Variants in DLEU7 observed in about 807,000 individuals in gnomAD.
DLEU7 encodes leukemia-associated protein 7.
DLEU7 carries 17 observed loss-of-function variants against 16.0 expected under a neutral mutation model. The ratio of observed to expected loss-of-function variants is 1.06; its 90% CI spans 0.73 to 1.59. The LOEUF (loss-of-function observed/expected upper bound fraction) is 1.59. DLEU7 is among the 40% of genes most tolerant of loss of function. DLEU7 has a pLI of 0.00. For synonymous variants in DLEU7, 113 were observed against 139.8 expected (o/e 0.81, Z 1.35); for missense variants, 308 against 314.9 (o/e 0.98, Z 0.17).
At chr13:50,836,585 A>G (rs1045415817) in intron 1 of DLEU7, among the ~76,000 whole-genome samples, 2 of 151,954 alleles carry the variant, frequency 1.3e-5, no homozygotes, top group Non-Finnish European at 2.9e-5. Flanking sequence ...GAGGCAGGAG[A>G]GTGGTGTGAA....
chr13:50,812,299 C>T (rs1036620571), intron 1 of DLEU7, among the ~76,000 whole-genome samples: 2 of 152,046 alleles, frequency 1.3e-5, no homozygotes, highest in East Asian at 1.9e-4. Flanking sequence ...GAGGGGCCCC[C>T]GTGGACACTG....
At chr13:50,842,074 C>T (rs1048664331) in intron 1 of DLEU7, among the ~76,000 whole-genome samples, 1 of 152,012 alleles carries the variant, frequency 6.6e-6, no homozygotes, top group African/African-American at 2.4e-5. Flanking sequence ...CACAGGACAA[C>T]CCCCGACAAC....
At chr13:50,811,014 A>G (rs1383000985) in intron 1 of DLEU7, among the ~76,000 whole-genome samples, 1 of 152,128 alleles carries the variant, frequency 6.6e-6, no homozygotes, top group Admixed American at 6.5e-5. Context: ...GGTTCCATGC[A>G]GGAAAGTGTG....
At chr13:50,836,481 T>C (rs1401836532) in intron 1 of DLEU7, among the ~76,000 whole-genome samples, 1 of 152,056 alleles carries the variant, frequency 6.6e-6, no homozygotes, top group Non-Finnish European at 1.5e-5. Flanking sequence ...GAGACCATCC[T>C]GGCTAATATG....
intron 1 of DLEU7, among the ~76,000 whole-genome samples, chr13:50,784,808 G>T (rs1875754580): frequency 6.6e-6 from 1 of 152,162 alleles, no homozygotes; most frequent in South Asian, 2.1e-4. Context: ...CTTTATAAAA[G>T]TAAGCGATTC....
At chr13:50,792,511 T>C (rs1875986795) in intron 1 of DLEU7, among the ~76,000 whole-genome samples, 1 of 152,142 alleles carries the variant, frequency 6.6e-6, no homozygotes, top group South Asian at 2.1e-4. Flanking sequence ...GGAAGACAGA[T>C]TGGAAAGAGA....
At chr13:50,812,622 G>A (rs1277230877) in intron 1 of DLEU7, among the ~76,000 whole-genome samples, 2 of 152,088 alleles carry the variant, frequency 1.3e-5, no homozygotes, top group East Asian at 3.9e-4. Flanking sequence ...CTGCAGAGGG[G>A]CATAAACTTC....
intron 1 of DLEU7, among the ~76,000 whole-genome samples, chr13:50,725,992 C>T (rs912257314): frequency 1.3e-5 from 2 of 152,152 alleles, no homozygotes; most frequent in African/African-American, 4.8e-5. Flanking sequence ...ATTTTTGCAG[C>T]ATCATTTGTA....
chr13:50,824,794 G>A (rs1404625927), intron 1 of DLEU7, among the ~76,000 whole-genome samples: 1 of 152,168 alleles, frequency 6.6e-6, no homozygotes, highest in Non-Finnish European at 1.5e-5. Flanking sequence ...CCAGGGAAAC[G>A]TGTCTGCAAC....
chr13:50,827,505 C>T (rs2137805816), intron 1 of DLEU7, among the ~76,000 whole-genome samples: 1 of 149,792 alleles, frequency 6.7e-6, no homozygotes, highest in East Asian at 2.0e-4. Flanking sequence ...ATGGCAAAAC[C>T]CTGTCTCTAA....
At chr13:50,750,339 C>T (rs1456716974) in intron 1 of DLEU7, among the ~76,000 whole-genome samples, 2 of 152,080 alleles carry the variant, frequency 1.3e-5, no homozygotes, top group African/African-American at 4.8e-5. Context: ...TGACTATAGC[C>T]TTATAGTATA....
intron 1 of DLEU7, among the ~76,000 whole-genome samples, chr13:50,738,991 A>G (rs965650637): frequency 9.5e-6 from 1 of 104,906 alleles, no homozygotes; most frequent in Non-Finnish European, 1.8e-5. Context: ...ACACACACAC[A>G]CACACACACA....
intron 1 of DLEU7, 95 bp from the exon 2 acceptor site, chr13:50,823,615 G>A: frequency 7.1e-7 from 1 of 1,404,814 alleles, no homozygotes; most frequent in Non-Finnish European, 9.5e-7. Context: ...TTTCTCTTCT[G>A]GTGACAGCAC....
chr13:50,755,689 A>G (rs1479240627), intron 1 of DLEU7, among the ~76,000 whole-genome samples: 1 of 152,108 alleles, frequency 6.6e-6, no homozygotes, highest in Non-Finnish European at 1.5e-5. Context: ...ATTCTTTTCC[A>G]GGTAAATCAG....
At chr13:50,792,841 T>C (rs1176177916) in intron 1 of DLEU7, among the ~76,000 whole-genome samples, 4 of 151,090 alleles carry the variant, frequency 2.6e-5, no homozygotes, top group African/African-American at 9.8e-5. Flanking sequence ...GGTTTTTGGG[T>C]TTTCTTGCAT....
intron 1 of DLEU7, among the ~76,000 whole-genome samples, chr13:50,737,906 TAC>T (rs1491176825): frequency 0.14 from 21,576 of 152,120 alleles, 2,003 homozygotes; most frequent in African/African-American, 0.27. Flanking sequence ...GGCCAAAAGC[TAC>T]AGTTGCACCA....
intron 1 of DLEU7, among the ~76,000 whole-genome samples, chr13:50,746,473 A>C (rs1417354220): frequency 6.6e-6 from 1 of 152,188 alleles, no homozygotes; most frequent in African/African-American, 2.4e-5. Context: ...TCCTGATAGA[A>C]TAGGTAAGCT....
intron 1 of DLEU7, among the ~76,000 whole-genome samples, chr13:50,745,879 G>A (rs1259264466): frequency 1.3e-5 from 2 of 152,116 alleles, no homozygotes; most frequent in Non-Finnish European, 2.9e-5. Flanking sequence ...ACAAGGGAAA[G>A]GAAACCAAAA....
intron 1 of DLEU7, among the ~76,000 whole-genome samples, chr13:50,817,760 C>T (rs1006901425): frequency 5.9e-5 from 9 of 152,024 alleles, no homozygotes; most frequent in African/African-American, 2.2e-4. Flanking sequence ...TCATTTAAAT[C>T]AAGAAATGGA....
Sources: gnomAD v4.1 joint callset for allele counts (sites outside exome capture counted in the v4.1 genomes callset) on GRCh38, gnomAD v4.1.1 for gene constraint, MANE v1.5 for transcripts, NCBI Gene and HGNC (gene_info 2026-07-23, HGNC 2026-07-21) for gene names.